NEDD4L: variants seen among roughly 807,000 people sequenced by gnomAD.
NEDD4L encodes the protein NEDD4 like E3 ubiquitin protein ligase.
In NEDD4L, 54 loss-of-function variants were observed where a neutral mutation model predicts 148.9. The observed-to-expected ratio is 0.36, with a 90% CI of 0.29 to 0.45. The LOEUF is 0.45. NEDD4L is among the 20% of genes least tolerant of loss of function. The pLI is 1.00. For missense variants in NEDD4L, 856 were observed against 1,233.8 expected (o/e 0.69, Z 4.59); for synonymous variants, 433 against 440.7 (o/e 0.98, Z 0.22).
In NEDD4L at chr18:58,083,498, T is replaced by C. The variant is rs1033352421; in HGVS notation, c.48+38790T>C. Among the ~76,000 whole-genome samples the C allele has an allele frequency of 8.1e-4, 123 of 152,174 alleles. 1 individual carries two copies. The highest frequency in any genetic ancestry group is 2.9e-3 in the African/African-American group (119 of 41,534). On this transcript the variant is annotated intron_variant, in intron 1 of 30. Transcript: ENST00000400345. ...GTCAGGAGATCGAGACCATCCTGGC[T>C]AACACAGTGAAACCCTGTCTCTACT...
chr18:58,365,942 G>C (rs1037083114), intron 20 of NEDD4L, 57 bp from the exon 21 acceptor site: 4 of 1,244,630 alleles, frequency 3.2e-6, no homozygotes, highest in African/African-American at 1.5e-5. Flanking sequence ...GTTTTTATTA[G>C]AAAACAAAGT....
chr18:58,393,556 CCCCA>C (rs1482597743), intron 30 of NEDD4L, among the ~76,000 whole-genome samples: 1 of 152,176 alleles, frequency 6.6e-6, no homozygotes, highest in African/African-American at 2.4e-5. Flanking sequence ...ATGATGTTCT[CCCCA>C]GACTAACTTG....
intron 1 of NEDD4L, among the ~76,000 whole-genome samples, chr18:58,127,668 A>G (rs1270645068): frequency 6.6e-6 from 1 of 152,012 alleles, no homozygotes; most frequent in Non-Finnish European, 1.5e-5. Flanking sequence ...GTGAAACCCC[A>G]TCTCTACTAA....
At chr18:58,301,654 A>G (rs1361685742) in intron 5 of NEDD4L, among the ~76,000 whole-genome samples, 1 of 152,164 alleles carries the variant, frequency 6.6e-6, no homozygotes, top group Non-Finnish European at 1.5e-5. Flanking sequence ...GCAGCTGAAC[A>G]GTTCTGCCAG....
At chr18:58,157,783 C>G (rs1317923470) in intron 1 of NEDD4L, among the ~76,000 whole-genome samples, 5 of 152,178 alleles carry the variant, frequency 3.3e-5, no homozygotes, top group Non-Finnish European at 7.3e-5. Flanking sequence ...GTCTTTATTT[C>G]TCACTGCTGT....
intron 2 of NEDD4L, among the ~76,000 whole-genome samples, chr18:58,220,331 C>T (rs1290945832): frequency 6.6e-6 from 1 of 152,034 alleles, no homozygotes; most frequent in Non-Finnish European, 1.5e-5. Context: ...GCTTAAACCC[C>T]AGAGGCAGAG....
intron 25 of NEDD4L, among the ~76,000 whole-genome samples, chr18:58,384,746 A>C (rs2048786422): frequency 6.6e-6 from 1 of 152,174 alleles, no homozygotes; most frequent in African/African-American, 2.4e-5. Flanking sequence ...AGGAGGTGCC[A>C]CCTGAGAGGC....
At chr18:58,046,126 G>T (rs902512343) in intron 1 of NEDD4L, 5 of 152,232 alleles carry the variant, frequency 3.3e-5, no homozygotes, top group African/African-American at 1.2e-4. Flanking sequence ...ATCAAAGAAT[G>T]ATCACAGTGC....
chr18:58,392,946 C>G (rs1415808147), intron 30 of NEDD4L, among the ~76,000 whole-genome samples: 1 of 152,212 alleles, frequency 6.6e-6, no homozygotes, highest in African/African-American at 2.4e-5. Flanking sequence ...ATGTTATTCC[C>G]TTGGGCTGTC....
intron 2 of NEDD4L, among the ~76,000 whole-genome samples, chr18:58,173,389 T>A (rs1342169762): frequency 6.6e-6 from 1 of 152,226 alleles, no homozygotes; most frequent in Admixed American, 6.5e-5. Flanking sequence ...TCCTTTATTG[T>A]GTGTGATGAG....
At chr18:58,082,528 T>A (rs1190560637) in intron 1 of NEDD4L, among the ~76,000 whole-genome samples, 4 of 151,236 alleles carry the variant, frequency 2.6e-5, no homozygotes, top group Non-Finnish European at 5.9e-5. Flanking sequence ...TCCCAGCACT[T>A]TGGGGGGCTG....
intron 1 of NEDD4L, among the ~76,000 whole-genome samples, chr18:58,063,111 T>A (rs1389503134): frequency 7.4e-6 from 1 of 135,106 alleles, no homozygotes; most frequent in Non-Finnish European, 1.5e-5. Flanking sequence ...AGTGGCGTTA[T>A]CACGGTTCAC....
intron 19 of NEDD4L, chr18:58,360,053 TAAC>T (rs2145903072): frequency 6.6e-6 from 1 of 152,384 alleles, no homozygotes; most frequent in East Asian, 1.9e-4. Context: ...TAAATGATGA[TAAC>T]AGGTTTGCTG....
chr18:58,316,961 CTTTATTTAAAGCTATTTAAAG>C (rs747710316), intron 6 of NEDD4L, among the ~76,000 whole-genome samples: 1 of 151,504 alleles, frequency 6.6e-6, no homozygotes, highest in Admixed American at 6.6e-5. Flanking sequence ...ACTTTATTTA[CTTTATTTAAAGCTATTTAAAG>C]CTAGCATAAG....
chr18:58,055,491 A>G (rs941213887), intron 1 of NEDD4L, among the ~76,000 whole-genome samples: 1 of 152,216 alleles, frequency 6.6e-6, no homozygotes, highest in Non-Finnish European at 1.5e-5. Context: ...CCTGAAAGGC[A>G]TGTACTTCAA....
At chr18:58,225,166 C>G (rs1278034586) in intron 2 of NEDD4L, among the ~76,000 whole-genome samples, 1 of 152,084 alleles carries the variant, frequency 6.6e-6, no homozygotes, top group Non-Finnish European at 1.5e-5. Context: ...GAAGACAAGA[C>G]ACAGTCAGGG....
chr18:58,296,409 A>G (rs937189971), intron 5 of NEDD4L, among the ~76,000 whole-genome samples: 1 of 152,236 alleles, frequency 6.6e-6, no homozygotes, highest in Non-Finnish European at 1.5e-5. Flanking sequence ...AAAACAGCAG[A>G]CATTTATCCT....
intron 2 of NEDD4L, among the ~76,000 whole-genome samples, chr18:58,194,301 T>C (rs2040430230): frequency 6.6e-6 from 1 of 152,220 alleles, no homozygotes; most frequent in Non-Finnish European, 1.5e-5. Flanking sequence ...CAGGTGGGAC[T>C]CTGCATCTCC....
At chr18:58,106,103 A>C (rs905101154) in intron 1 of NEDD4L, among the ~76,000 whole-genome samples, 3 of 152,152 alleles carry the variant, frequency 2.0e-5, no homozygotes, top group African/African-American at 7.2e-5. Context: ...CTGTTCTTTC[A>C]CCTGAGGCCC....
Sources: gnomAD v4.1 joint callset for allele counts (sites outside exome capture counted in the v4.1 genomes callset) on GRCh38, gnomAD v4.1.1 for gene constraint, MANE v1.5 for transcripts, NCBI Gene and HGNC (gene_info 2026-07-23, HGNC 2026-07-21) for gene names.